Variants in WASHC4 observed in about 807,000 individuals in gnomAD.
WASHC4 encodes WASH complex subunit 7.
In WASHC4, 86 loss-of-function variants were observed where a neutral mutation model predicts 166.6. The observed-to-expected ratio is 0.52, with a 90% CI of 0.43 to 0.62. WASHC4 has a LOEUF of 0.62. WASHC4 is among the 20% of genes least tolerant of loss of function. The pLI is 0.00. For missense variants in WASHC4, 1,262 were observed against 1,382.4 expected (o/e 0.91, Z 1.38); for synonymous variants, 446 against 451.6 (o/e 0.99, Z 0.16).
At position 105,117,665 on chromosome 12, in the gene WASHC4, A is replaced by G. The variant is rs1028642283; in HGVS notation, c.436-781A>G. Among the ~76,000 whole-genome samples, 8 of 152,366 alleles carry G rather than the reference A, an allele frequency of 5.3e-5. 1 individual carries two copies. Among genetic ancestry groups the G allele is most frequent in the Admixed American group, 6.5e-5 (1 of 15,312 alleles). ...TTCAACAAATATGTTTTGTAAGCCT[A>G]GTATATGCTAGAAACTGTTATTGGT... On this transcript the variant is annotated intron_variant, in intron 6 of 32. Coordinates refer to ENST00000332180, the MANE Select transcript of WASHC4 (RefSeq NM_015275.3).
intron 19 of WASHC4, among the ~76,000 whole-genome samples, chr12:105,142,910 AG>A (rs1253812430): frequency 3.9e-4 from 60 of 152,186 alleles, no homozygotes; most frequent in African/African-American, 1.3e-3. Context: ...TAAATGCACA[AG>A]ATAGGAAAGG....
chr12:105,121,061 A>T (rs1880695080), intron 8 of WASHC4, 40 bp from the exon 9 acceptor site: 1 of 1,344,332 alleles, frequency 7.4e-7, no homozygotes, highest in Non-Finnish European at 1.1e-6. Flanking sequence ...TTAACTTCTA[A>T]CTAGTGACTA....
rs193129463 is a variant in WASHC4 at position 105,147,047 on chromosome 12, T to G, written c.2415T>G (p.Phe805Leu). The G allele has an allele frequency of 6.3e-7, 1 of 1,594,680 alleles. No homozygotes were observed. The highest frequency in any genetic ancestry group is 8.6e-7 in the Non-Finnish European group (1 of 1,162,314). ...RYLYNLNNQI[F>L]IERTSNNKHL... Reference sequence around the variant, plus strand: ...ATAAATTTGTTTCATTGCAGATTTTTATTGAACGAACAAGCAATAACAAGC... The same window carrying G: ...ATAAATTTGTTTCATTGCAGATTTTGATTGAACGAACAAGCAATAACAAGC... Residue 805 changes from phenylalanine (F) to leucine (L), a missense_variant, in exon 24 of 33, where the codon TTT becomes TTG. Transcript: ENST00000332180.
Position 105,111,137 on chromosome 12 carries a change from A to T in WASHC4, c.74A>T (p.Glu25Val). 1 of 1,605,154 alleles carries T rather than the reference A, an allele frequency of 6.2e-7. No homozygotes were observed. The change falls in exon 2 of 33, where the codon GAA (glutamate) becomes GTA (valine). Residue 25 changes from glutamate (E) to valine (V), a missense_variant. Glu to Val is a moderately radical substitution (Grantham distance 121). Coordinates refer to ENST00000332180, the MANE Select transcript of WASHC4 (RefSeq NM_015275.3). Reference protein sequence around the residue: ...VDDGSQKIHAEVQLKNYGKFL... With the variant: ...VDDGSQKIHAVVQLKNYGKFL... Reference sequence around the variant, plus strand: ...AATTTAAACTTAGAAATTCATGCCGAAGTCCAACTTAAGAATTATGGGAAA... The same window carrying T: ...AATTTAAACTTAGAAATTCATGCCGTAGTCCAACTTAAGAATTATGGGAAA...
chr12:105,160,224 C>A, intron 29 of WASHC4, 76 bp downstream of exon 29: 1 of 1,187,972 alleles, frequency 8.4e-7, no homozygotes, highest in Non-Finnish European at 1.3e-6. Context: ...TTCTTTGTAA[C>A]ACGAAATGCA....
rs1157694311 is a variant in WASHC4, at chr12:105,168,463, CATTTG to C, written c.*1536_*1540del. ...ATAAGTGTTTATATTAATGATCTTG[CATTTG>C]ATTATATCAAATTCGTCATTTCATA... On this transcript the variant is annotated 3_prime_UTR_variant, in exon 33 of 33. Transcript: ENST00000332180. 1 of 152,286 alleles carries C rather than the reference CATTTG, an allele frequency of 6.6e-6. No individual in the cohort carries two copies. The highest frequency in any genetic ancestry group is 2.4e-5 in the African/African-American group (1 of 41,382). The allele number at this position is 152,286 out of a possible 1,614,324, so 9.4% of individuals were successfully genotyped here.
chr12:105,143,351 TTGC>T, intron 20 of WASHC4, 108 bp downstream of exon 20: 1 of 690,200 alleles, frequency 1.4e-6, no homozygotes, highest in South Asian at 1.5e-5. Flanking sequence ...TATTTATAAA[TTGC>T]TGGGTAGAAC....
chr12:105,159,891 T>C (rs1566030054), intron 28 of WASHC4, 110 bp from the exon 29 acceptor site: 1 of 982,976 alleles, frequency 1.0e-6, no homozygotes, highest in East Asian at 2.4e-5. Flanking sequence ...AGAAGTGTCT[T>C]ACAGTGTTTC....
intron 6 of WASHC4, among the ~76,000 whole-genome samples, 199 bp from the exon 7 acceptor site, chr12:105,118,247 T>G (rs1880377528): frequency 6.6e-6 from 1 of 152,200 alleles, no homozygotes; most frequent in Non-Finnish European, 1.5e-5. Flanking sequence ...AACAAAGAGA[T>G]AGGAACGACC....
intron 10 of WASHC4, among the ~76,000 whole-genome samples, chr12:105,123,504 C>CAACCGG (rs1880983709): frequency 6.6e-6 from 1 of 152,190 alleles, no homozygotes; most frequent in Non-Finnish European, 1.5e-5. Context: ...AAAATCAAAC[C>CAACCGG]AACCGCAACA....
In WASHC4 at chr12:105,121,155, A is replaced by G. The variant is rs1880703962; in HGVS notation, c.616A>G (p.Ile206Val). The G allele has an allele frequency of 1.2e-6, 2 of 1,612,310 alleles. No homozygotes were observed. The highest frequency in any genetic ancestry group is 1.3e-5 in the African/African-American group (1 of 74,898). The stretch of plus-strand genomic sequence containing the variant: ...AACAGTTTTGCTCACCCTGGATGAA[A>G]TTATTGATAATCATATCACACTGAA... Reference protein sequence around the residue: ...LLTVLLTLDEIIDNHITLKDH... With the variant: ...LLTVLLTLDEVIDNHITLKDH... Residue 206 changes from isoleucine to valine, a missense_variant, in exon 9 of 33, where the codon ATT becomes GTT. Physicochemically the swap from Ile to Val is conservative, Grantham distance 29. Transcript: ENST00000332180.
Position 105,149,652 on chromosome 12 carries a change from A to G in WASHC4, c.2552A>G (p.Tyr851Cys). The G allele has an allele frequency of 6.5e-7, 1 of 1,549,262 alleles. No individual in the cohort carries two copies. The highest frequency in any genetic ancestry group is 8.9e-7 in the Non-Finnish European group (1 of 1,124,752). The change falls in exon 25 of 33, where the codon TAT becomes TGT. Residue 851 changes from tyrosine (Y) to cysteine (C), a missense_variant. Coordinates refer to ENST00000332180, the MANE Select transcript of WASHC4 (RefSeq NM_015275.3). ...FTYQFLKKKF[Y>C]IFSQFMYDEH... ...TACCAGTTTTTGAAAAAGAAGTTCTATATATTTAGCCAATTTATGTATGAT... is the reference window on the plus strand; with the variant it reads ...TACCAGTTTTTGAAAAAGAAGTTCTGTATATTTAGCCAATTTATGTATGAT...
At chr12:105,119,466 T>TCAC (rs1006404104) in intron 7 of WASHC4, among the ~76,000 whole-genome samples, 1 of 152,234 alleles carries the variant, frequency 6.6e-6, no homozygotes, top group Admixed American at 6.5e-5. Flanking sequence ...GTTCTTTTGG[T>TCAC]CACCAGCACA....
chr12:105,162,008 G>A (rs1192609072), intron 29 of WASHC4, among the ~76,000 whole-genome samples: 1 of 152,200 alleles, frequency 6.6e-6, no homozygotes, highest in Non-Finnish European at 1.5e-5. Context: ...CAAGTGCTCA[G>A]TGGCCGCTTG....
chr12:105,165,977 C>T (rs1403495673), intron 32 of WASHC4, among the ~76,000 whole-genome samples: 1 of 152,230 alleles, frequency 6.6e-6, no homozygotes, highest in Admixed American at 6.5e-5. Context: ...GTTATTGCCT[C>T]AGTTCTGCTC....
At position 105,140,398 on chromosome 12, in the gene WASHC4, C is replaced by T. The variant is rs200357276; in HGVS notation, c.1557C>T (p.Ala519=). The T allele has an allele frequency of 1.3e-6, 2 of 1,594,332 alleles. No individual in the cohort carries two copies. The highest frequency in any genetic ancestry group is 1.7e-6 in the Non-Finnish European group (2 of 1,162,260). ...AGGCTCTTCATTCTATTTCTGTGGC[C>T]AAGGTATGCAGCTTATTATGTATTT... ...QHQALHSISV[A]KKRVISDKKY... The change falls in exon 16 of 33, where the codon GCC becomes GCT. Residue 519 remains alanine, a synonymous_variant. Coordinates refer to ENST00000332180, the MANE Select transcript of WASHC4 (RefSeq NM_015275.3).
At chr12:105,162,641 A>C (rs1884567940) in intron 29 of WASHC4, 108 bp from the exon 30 acceptor site, 1 of 665,896 alleles carries the variant, frequency 1.5e-6, no homozygotes, top group East Asian at 3.0e-5. Context: ...ATTCTATTCT[A>C]TTCTATTTAT....
Position 105,144,813 on chromosome 12 carries a change from A to G in WASHC4, c.2275A>G (p.Thr759Ala), listed in dbSNP as rs1592897057. 2 of 1,613,198 alleles carry G rather than the reference A, an allele frequency of 1.2e-6. 1 individual carries two copies. Among genetic ancestry groups the G allele is most frequent in the South Asian group, 2.2e-5 (2 of 91,056 alleles). The stretch of plus-strand genomic sequence containing the variant: ...TTATAGTGAGATGAGAAACTTAGCT[A>G]CTCAGCGTTATGGACTGGTTATGAC... Reference protein sequence around the residue: ...ATYSEMRNLATQRYGLVMTEA... With the variant: ...ATYSEMRNLAAQRYGLVMTEA... The change falls in exon 22 of 33, where the codon ACT becomes GCT. Residue 759 changes from threonine to alanine, a missense_variant. Coordinates refer to ENST00000332180, the MANE Select transcript of WASHC4 (RefSeq NM_015275.3).
At chr12:105,125,388 CTATT>C (rs10556727) in intron 10 of WASHC4, among the ~76,000 whole-genome samples, 102,439 of 151,556 alleles carry the variant, frequency 0.68, 35,335 homozygotes, top group Middle Eastern at 0.83. Flanking sequence ...AGATACTAAT[CTATT>C]TATGTGTTAA....
Sources: allele counts gnomAD v4.1 joint callset (sites outside exome capture counted in the v4.1 genomes callset), GRCh38; gene constraint gnomAD v4.1.1; transcripts MANE v1.5; gene names NCBI Gene and HGNC (gene_info 2026-07-23, HGNC 2026-07-21).